The following SH3GL1 variants were observed in gnomAD, a reference collection of about 807,000 sequenced individuals.
SH3GL1 encodes endophilin-A2.
SH3GL1 carries 21 observed loss-of-function variants against 48.8 expected under a neutral mutation model. The observed-to-expected ratio is 0.43, with a 90% CI of 0.30 to 0.62. SH3GL1 has a LOEUF of 0.62. Ranked by LOEUF, SH3GL1 falls within the 20% of genes least tolerant of loss-of-function variation. The pLI is 0.11. For synonymous variants in SH3GL1, 282 were observed against 217.5 expected, an observed-to-expected ratio of 1.30 and a Z score of -2.61; for missense variants, 454 against 503.0, an observed-to-expected ratio of 0.90 and a Z score of 0.93.
intron 9 of SH3GL1, 140 bp downstream of exon 9, chr19:4,362,188 TG>T: frequency 2.3e-6 from 2 of 871,604 alleles, no homozygotes; most frequent in Non-Finnish European, 3.7e-6. Flanking sequence ...TTGCAGGCTG[TG>T]GGGCCTGTGC....
At chr19:4,382,031 C>T (rs189460589) in intron 1 of SH3GL1, among the ~76,000 whole-genome samples, 11 of 152,146 alleles carry the variant, frequency 7.2e-5, no homozygotes, top group East Asian at 1.9e-4. Context: ...GGGATCACCC[C>T]GGGCTAAGAT....
In SH3GL1 at chr19:4,367,177, G is replaced by C. The variant is rs527444066; in HGVS notation, c.46-183C>G. Reference sequence around the variant, plus strand: ...AGGGCCACACGCTGCCTGCAGAGCAGGGTGGGCCTGCAGGGGGAGGGGGAG... The same window carrying C: ...AGGGCCACACGCTGCCTGCAGAGCACGGTGGGCCTGCAGGGGGAGGGGGAG... On this transcript the variant is annotated intron_variant, in intron 1 of 9. Coordinates refer to ENST00000269886, the MANE Select transcript of SH3GL1 (RefSeq NM_003025.4). The surrounding 1 kb of genome is among the most constrained non-coding windows in gnomAD (Gnocchi z 4.2). Among the ~76,000 whole-genome samples, 55 of 152,286 alleles carry C rather than the reference G, an allele frequency of 3.6e-4. No homozygotes were observed. Among genetic ancestry groups the C allele is most frequent in the Admixed American group, 3.3e-4 (5 of 15,306 alleles).
At chr19:4,365,658 T>TGAGGCCTGC (rs771441441) in intron 3 of SH3GL1, 33 bp from the exon 4 acceptor site, 14 of 1,612,006 alleles carry the variant, frequency 8.7e-6, no homozygotes, top group Non-Finnish European at 1.2e-5. Context: ...GTGTGGGCTG[T>TGAGGCCTGC]GAGGCCTGCA....
intron 4 of SH3GL1, among the ~76,000 whole-genome samples, chr19:4,365,222 A>G (rs1972747647): frequency 6.6e-6 from 1 of 152,268 alleles, no homozygotes; most frequent in East Asian, 1.9e-4. Flanking sequence ...GGAAGGACAG[A>G]TGCTGGGGGG....
chr19:4,374,575 G>A (rs904033550), intron 1 of SH3GL1, among the ~76,000 whole-genome samples: 1 of 152,220 alleles, frequency 6.6e-6, no homozygotes, highest in African/African-American at 2.4e-5. Context: ...TGGCCCGTCC[G>A]CCCTAGATGG....
chr19:4,381,277 TC>T lies in SH3GL1; in HGVS notation c.46-14284del, dbSNP rs1259884068. ...CTCTCTCTGTCCCCCTACCTCTGTC[TC>T]CCGTCTCCCTCTGTCCCCTCTGCCT... is the stretch of plus-strand genomic sequence containing the variant. On this transcript the variant is annotated intron_variant, in intron 1 of 9. Coordinates refer to ENST00000269886, the MANE Select transcript of SH3GL1 (RefSeq NM_003025.4). 2.6e-4 allele frequency among the ~76,000 whole-genome samples: 26 copies of T among 100,510 alleles called. 1 individual carries two copies. 65.9% of individuals were successfully genotyped at this position (100,510 alleles called of 152,430 possible). A position where few individuals can be genotyped will look rare whatever the true frequency, so the allele number is the denominator to read the frequency against.
chr19:4,381,896 T>C (rs1395039495), intron 1 of SH3GL1, among the ~76,000 whole-genome samples: 1 of 151,714 alleles, frequency 6.6e-6, no homozygotes, highest in Non-Finnish European at 1.5e-5. Flanking sequence ...GGTTTCACCA[T>C]GTTAGCCAGG....
intron 6 of SH3GL1, 68 bp downstream of exon 6, chr19:4,363,652 C>T (rs1235627133): frequency 6.3e-7 from 1 of 1,595,550 alleles, no homozygotes. Context: ...CTCCAGCTCC[C>T]TTGAGGCACC....
At position 4,366,608 on chromosome 19, in the gene SH3GL1, C is replaced by T. The variant is rs1177625547; in HGVS notation, c.115-35G>A. The T allele has an allele frequency of 3.2e-6, 5 of 1,586,922 alleles. No homozygotes were observed. In the African/African-American group the frequency reaches 5.4e-5, roughly 17 times the overall value. ...GAAGCAGCATATAAGACTCCACAGC[C>T]AGTGGGGGCCCAAGGCACACAAGAC... On this transcript the variant is annotated intron_variant, in intron 2 of 9. Coordinates refer to ENST00000269886, the MANE Select transcript of SH3GL1 (RefSeq NM_003025.4).
At chr19:4,385,169 T>C (rs1214852305) in intron 1 of SH3GL1, among the ~76,000 whole-genome samples, 2 of 151,306 alleles carry the variant, frequency 1.3e-5, no homozygotes, top group African/African-American at 4.9e-5. Context: ...TGACAGGCAG[T>C]GTGGACCGCC....
At chr19:4,388,961 A>T (rs145014750) in intron 1 of SH3GL1, among the ~76,000 whole-genome samples, 2 of 152,124 alleles carry the variant, frequency 1.3e-5, no homozygotes, top group Non-Finnish European at 2.9e-5. Flanking sequence ...CCTGTTCCCA[A>T]CCGAGTTCTC....
chr19:4,371,057 G>C (rs1388774565), intron 1 of SH3GL1, among the ~76,000 whole-genome samples: 1 of 152,234 alleles, frequency 6.6e-6, no homozygotes, highest in Non-Finnish European at 1.5e-5. Context: ...CCAGGCACCT[G>C]GGAAACGAGC....
chr19:4,374,242 C>G (rs1249277414), intron 1 of SH3GL1, among the ~76,000 whole-genome samples: 1 of 152,230 alleles, frequency 6.6e-6, no homozygotes, highest in African/African-American at 2.4e-5. Flanking sequence ...GTCACGCAGA[C>G]GAAGTGGTGA....
intron 5 of SH3GL1, 74 bp from the exon 6 acceptor site, chr19:4,363,952 T>G (rs1167540195): frequency 3.7e-6 from 6 of 1,605,724 alleles, no homozygotes. Context: ...TGACCCACTG[T>G]CCCTGCACCA....
rs1257049945 is a variant in SH3GL1, at chr19:4,367,434, A to T, written c.46-440T>A. 6.6e-6 allele frequency among the ~76,000 whole-genome samples: 1 copy of T among 151,894 alleles called. No homozygotes were observed. Among genetic ancestry groups the T allele is most frequent in the African/African-American group, 2.4e-5 (1 of 41,274 alleles). On this transcript the variant is annotated intron_variant, in intron 1 of 9. Coordinates refer to ENST00000269886, the MANE Select transcript of SH3GL1 (RefSeq NM_003025.4). The surrounding 1 kb of genome is among the most constrained non-coding windows in gnomAD (Gnocchi z 4.2). The stretch of plus-strand genomic sequence containing the variant: ...ATGTGGGGTCTACTTAAAAAAAAAA[A>T]TCCTGCCAGCTTGGCTGGGAGAGGC...
In SH3GL1 at chr19:4,374,593, G is replaced by A. The variant is rs182286963; in HGVS notation, c.46-7599C>T. 4.1e-4 allele frequency among the ~76,000 whole-genome samples: 62 copies of A among 152,316 alleles called. No homozygotes were observed. In the East Asian group the frequency reaches 7.9e-3, roughly 19 times the overall value. On this transcript the variant is annotated intron_variant, in intron 1 of 9. Transcript: ENST00000269886. The stretch of plus-strand genomic sequence containing the variant: ...CCCGTCCGCCCTAGATGGGGCAATC[G>A]GCGTTTCTCCCGGGACAGCCTCCTC...
intron 6 of SH3GL1, 91 bp from the exon 7 acceptor site, chr19:4,363,564 G>A (rs556665864): frequency 6.2e-6 from 9 of 1,449,966 alleles, no homozygotes; most frequent in African/African-American, 4.5e-5. Flanking sequence ...GAGGCAAGGG[G>A]GCTGAGAGGG....
chr19:4,374,414 A>T (rs1294251208), intron 1 of SH3GL1, among the ~76,000 whole-genome samples: 1 of 152,184 alleles, frequency 6.6e-6, no homozygotes, highest in East Asian at 1.9e-4. Context: ...CAGGGCCAGA[A>T]GGACCTCTCC....
Position 4,400,383 on chromosome 19 carries a change from C to A in SH3GL1, c.-15G>T. 6.3e-7 allele frequency: 1 copy of A among 1,584,420 alleles called. No homozygotes were observed. The highest frequency in any genetic ancestry group is 8.5e-7 in the Non-Finnish European group (1 of 1,170,194). Reference sequence around the variant, plus strand: ...GCCACCGACATGCTGCCGCCCGCCGCCGAGCCTCCCGCCCGGACCGCGCCA... The same window carrying A: ...GCCACCGACATGCTGCCGCCCGCCGACGAGCCTCCCGCCCGGACCGCGCCA... On this transcript the variant is annotated 5_prime_UTR_variant, in exon 1 of 10. Coordinates refer to ENST00000269886, the MANE Select transcript of SH3GL1 (RefSeq NM_003025.4). The surrounding 1 kb of genome is among the most constrained non-coding windows in gnomAD (Gnocchi z 4.1).
Sources: gnomAD v4.1 joint callset for allele counts (sites outside exome capture counted in the v4.1 genomes callset) on GRCh38, gnomAD v4.1.1 for gene constraint, Gnocchi (gnomAD v3.1) non-coding constraint, MANE v1.5 for transcripts, NCBI Gene and HGNC (gene_info 2026-07-23, HGNC 2026-07-21) for gene names.